PIAS2: variants seen among roughly 807,000 people sequenced by gnomAD.
PIAS2 encodes protein inhibitor of activated STAT 2.
Under a neutral mutation model 69.7 loss-of-function variants are expected in PIAS2, and 19 were observed. The observed-to-expected ratio is 0.27, with a 90% CI of 0.19 to 0.40. PIAS2 has a LOEUF of 0.40. Ranked by LOEUF, PIAS2 falls within the 10% of genes least tolerant of loss-of-function variation. The probability of loss-of-function intolerance (pLI) is 1.00; values close to 1 mark genes in which losing one functional copy is unlikely to be tolerated. For missense variants in PIAS2, 624 were observed against 757.0 expected, an observed-to-expected ratio of 0.82 and a Z score of 2.06; for synonymous variants, 261 against 263.2, an observed-to-expected ratio of 0.99 and a Z score of 0.08.
chr18:46,864,212 A>G lies in PIAS2; in HGVS notation c.536T>C (p.Phe179Ser). 1 of 1,599,270 alleles carries G rather than the reference A, an allele frequency of 6.3e-7. No homozygotes were observed. Among genetic ancestry groups the G allele is most frequent in the Non-Finnish European group, 8.5e-7 (1 of 1,173,412 alleles). Residue 179 changes from phenylalanine to serine, a missense_variant, in exon 3 of 14, where the codon TTT becomes TCT. Phe to Ser is a radical substitution (Grantham distance 155). This residue lies in a region of PIAS2 where 339 missense variants were observed against 408.8 expected (regional missense o/e 0.83). Coordinates refer to ENST00000585916, the MANE Select transcript of PIAS2 (RefSeq NM_004671.5). ...TTGTTGAGGTGTCAAAGCAAAAATA[A>G]AAAACTTCTCTTGAAATCGCTGAAT... ...SSIQRFQEKF[F>S]IFALTPQQVR...
chr18:46,865,612 T>A (rs2049327772), intron 2 of PIAS2, among the ~76,000 whole-genome samples: 1 of 151,364 alleles, frequency 6.6e-6, no homozygotes, highest in African/African-American at 2.4e-5. Flanking sequence ...GCCAGTTGGA[T>A]ATCCAATGTC....
At position 46,812,476 on chromosome 18, in the gene PIAS2, G is replaced by T. The variant is rs1408078144; in HGVS notation, c.1823C>A (p.Thr608Asn). Residue 608 changes from threonine to asparagine, a missense_variant, in exon 14 of 14, where the codon ACC (threonine) becomes AAC (asparagine). By Grantham distance (65) the Thr-to-Asn change is moderately conservative (BLOSUM62 0). Around this residue, in one of 3 missense-constraint regions of PIAS2, gnomAD observed 241 missense variants for 257.3 expected, o/e 0.94. Coordinates refer to ENST00000585916, the MANE Select transcript of PIAS2 (RefSeq NM_004671.5). The stretch of plus-strand genomic sequence containing the variant: ...GTCAGGAATGTTACTTCCACTGCTG[G>T]TTATGACCCCTGTCTCACTCCTGCT... ...SSSRSETGVI[T>N]SSGSNIPDII... 1 of 1,612,702 alleles carries T rather than the reference G, an allele frequency of 6.2e-7. No homozygotes were observed. Among genetic ancestry groups the T allele is most frequent in the Non-Finnish European group, 8.5e-7 (1 of 1,179,046 alleles).
intron 9 of PIAS2, among the ~76,000 whole-genome samples, chr18:46,834,152 A>G (rs1356271915): frequency 6.6e-5 from 10 of 152,234 alleles, no homozygotes. Context: ...TGACGGAACA[A>G]CTGCACAACT....
At chr18:46,916,641 AT>A (rs1175598256) in intron 1 of PIAS2, among the ~76,000 whole-genome samples, 1 of 152,218 alleles carries the variant, frequency 6.6e-6, no homozygotes, top group African/African-American at 2.4e-5. Flanking sequence ...GAAGAAAAAA[AT>A]ATTTTTCCTC....
At chr18:46,901,634 T>G (rs559312240) in intron 1 of PIAS2, among the ~76,000 whole-genome samples, 26 of 152,298 alleles carry the variant, frequency 1.7e-4, no homozygotes, top group African/African-American at 6.3e-4. Context: ...TGTTTTGAGA[T>G]CTATAGAATA....
chr18:46,827,210 T>G (rs2042952135), intron 11 of PIAS2: 1 of 152,232 alleles, frequency 6.6e-6, no homozygotes, highest in African/African-American at 2.4e-5. Flanking sequence ...AAGAATGTGT[T>G]CGTAGACAGC....
At chr18:46,843,672 T>C (rs2045747318) in intron 8 of PIAS2, among the ~76,000 whole-genome samples, 2 of 152,230 alleles carry the variant, frequency 1.3e-5, no homozygotes, top group South Asian at 4.1e-4. Flanking sequence ...AAAGACATCC[T>C]ACACATCCTA....
At chr18:46,870,788 G>A (rs781298081) in intron 2 of PIAS2, among the ~76,000 whole-genome samples, 9 of 152,112 alleles carry the variant, frequency 5.9e-5, no homozygotes, top group Non-Finnish European at 1.0e-4. Context: ...ATGATCCAAA[G>A]GGTTGCTATG....
chr18:46,877,734 T>G (rs1003246412), intron 2 of PIAS2, among the ~76,000 whole-genome samples: 7 of 152,196 alleles, frequency 4.6e-5, no homozygotes, highest in African/African-American at 1.7e-4. Flanking sequence ...TAAAAACCCC[T>G]TCCCTACTTT....
chr18:46,843,867 C>CT (rs2045773938), intron 8 of PIAS2, 187 bp downstream of exon 8: 6 of 424,182 alleles, frequency 1.4e-5, no homozygotes, highest in Non-Finnish European at 2.6e-5. Flanking sequence ...CTTCCCTCTT[C>CT]TTTGTATTCT....
chr18:46,814,946 G>C (rs1299289421), intron 13 of PIAS2, among the ~76,000 whole-genome samples: 1 of 152,174 alleles, frequency 6.6e-6, no homozygotes, highest in African/African-American at 2.4e-5. Context: ...ATCAGGTTTA[G>C]CTATTGATTT....
At chr18:46,910,646 A>G (rs1253049966) in intron 1 of PIAS2, among the ~76,000 whole-genome samples, 1 of 152,228 alleles carries the variant, frequency 6.6e-6, no homozygotes, top group East Asian at 1.9e-4. Context: ...ATTTTATAGA[A>G]AAGTTCAAAG....
upstream of PIAS2, among the ~76,000 whole-genome samples, chr18:46,918,483 T>C (rs1018233030): frequency 4.6e-5 from 7 of 152,188 alleles, no homozygotes; most frequent in African/African-American, 1.7e-4. Flanking sequence ...AGACGGAGTT[T>C]TGCTCTTGTT....
At position 46,828,667 on chromosome 18, in the gene PIAS2, T is replaced by C. The variant is rs191143169; in HGVS notation, c.1337-537A>G. On this transcript the variant is annotated intron_variant, in intron 10 of 13. Transcript: ENST00000585916. ...TGATAAAAACTTTCATCTTGATAAG[T>C]TGAAAAAAACCCAAACCTCTCAATT... Among the ~76,000 whole-genome samples, 98 of 152,318 alleles carry C rather than the reference T, an allele frequency of 6.4e-4. 3 individuals carry two copies. Among genetic ancestry groups the C allele is most frequent in the East Asian group, 4.0e-3 (21 of 5,192 alleles).
intron 2 of PIAS2, among the ~76,000 whole-genome samples, chr18:46,878,790 C>T (rs1001606570): frequency 3.4e-4 from 52 of 152,320 alleles, no homozygotes; most frequent in African/African-American, 1.3e-3. Context: ...ATCACTAGAA[C>T]CCGGGAGGCA....
Position 46,803,279 on chromosome 18 carries a change from A to C in PIAS2, c.*9154T>G, listed in dbSNP as rs1005816831. 2.6e-5 allele frequency: 4 copies of C among 152,156 alleles called. No individual in the cohort carries two copies. Among genetic ancestry groups the C allele is most frequent in the Non-Finnish European group, 5.9e-5 (4 of 68,026 alleles). 9.4% of individuals were successfully genotyped at this position (152,156 alleles called of 1,614,324 possible). On this transcript the variant is annotated 3_prime_UTR_variant, in exon 14 of 14. Transcript: ENST00000585916. ...GTCTTACAATCAGGTACTTAGATTC[A>C]ATAAAATATGGTGGTATTTTAAATG... is the stretch of plus-strand genomic sequence containing the variant.
chr18:46,848,081 T>G (rs1220705280), intron 5 of PIAS2, among the ~76,000 whole-genome samples: 2 of 152,158 alleles, frequency 1.3e-5, no homozygotes, highest in African/African-American at 4.8e-5. Context: ...CAGAAGAAAC[T>G]TCTGAATCAC....
chr18:46,844,115 A>C lies in PIAS2; in HGVS notation c.980T>G (p.Leu327Arg). The change falls in exon 8 of 14, where the codon CTT (leucine) becomes CGT (arginine). Residue 327 changes from leucine (L) to arginine (R), a missense_variant. By Grantham distance (102) the Leu-to-Arg change is moderately radical. This residue lies in a region of PIAS2 where 339 missense variants were observed against 408.8 expected (regional missense o/e 0.83). Transcript: ENST00000585916. ...AATTTCACTATCAGGATCTGCAGTAAGTTTTTCTTTAACTTTAAAAAGAAG... is the reference window on the plus strand; with the variant it reads ...AATTTCACTATCAGGATCTGCAGTACGTTTTTCTTTAACTTTAAAAAGAAG... ...DHSRALIKEK[L>R]TADPDSEIAT... 6.7e-7 allele frequency: 1 copy of C among 1,489,772 alleles called. No individual in the cohort carries two copies. The highest frequency in any genetic ancestry group is 8.9e-7 in the Non-Finnish European group (1 of 1,117,702). The allele number at this position is 1,489,772 out of a possible 1,614,324, so 92.3% of individuals were successfully genotyped here. A position where few individuals can be genotyped will look rare whatever the true frequency, so the allele number is the denominator to read the frequency against.
At chr18:46,870,725 G>C (rs962962291) in intron 2 of PIAS2, among the ~76,000 whole-genome samples, 1 of 151,042 alleles carries the variant, frequency 6.6e-6, no homozygotes, top group Non-Finnish European at 1.5e-5. Context: ...CTGTATACTT[G>C]GGCAGAGTTA....
Sources: allele counts gnomAD v4.1 joint callset (sites outside exome capture counted in the v4.1 genomes callset), GRCh38; gene constraint gnomAD v4.1.1; regional missense constraint gnomAD v4.1.1; transcripts MANE v1.5; gene names NCBI Gene and HGNC (gene_info 2026-07-23, HGNC 2026-07-21).